Variants in DUSP7 observed in about 807,000 individuals in gnomAD.
The protein encoded by DUSP7 is dual specificity phosphatase 7.
Under a neutral mutation model 29.8 loss-of-function variants are expected in DUSP7, and 7 were observed. The observed-to-expected ratio is 0.24, with a 90% CI of 0.13 to 0.44. The LOEUF (loss-of-function observed/expected upper bound fraction) is 0.44. Ranked by LOEUF, DUSP7 falls within the 20% of genes least tolerant of loss-of-function variation. The probability of loss-of-function intolerance (pLI) is 1.00; values close to 1 mark genes in which losing one functional copy is unlikely to be tolerated. For synonymous variants in DUSP7, 287 were observed against 275.4 expected (o/e 1.04, Z -0.42); for missense variants, 400 against 583.7 (o/e 0.69, Z 3.24).
At chr3:52,055,728 G>A (rs1457954892) in intron 1 of DUSP7, 122 bp downstream of exon 1, 5 of 1,248,234 alleles carry the variant, frequency 4.0e-6, no homozygotes, top group Admixed American at 6.0e-5. Flanking sequence ...GATGCGGGCC[G>A]GGGACGACGT....
Position 52,051,829 on chromosome 3 carries a change from T to G in DUSP7, c.953-707A>C, listed in dbSNP as rs1701851035. ...TCCCCAAGGCCTTAACTCCAGCTCC[T>G]AAGACACATGGACTGGGATGATGGC... On this transcript the variant is annotated intron_variant, in intron 2 of 2. Coordinates refer to ENST00000495880, the MANE Select transcript of DUSP7 (RefSeq NM_001947.4). This position sits in a 1 kb window ranked among gnomAD's most constrained non-coding sequence, Gnocchi z 4.8. 6.6e-6 allele frequency: 1 copy of G among 152,290 alleles called. No homozygotes were observed. Among genetic ancestry groups the G allele is most frequent in the Non-Finnish European group, 1.5e-5 (1 of 68,086 alleles). The allele number at this position is 152,290 out of a possible 1,614,324, so 9.4% of individuals were successfully genotyped here.
Position 52,055,704 on chromosome 3 carries a change from G to A in DUSP7, c.517+146C>T. The A allele has an allele frequency of 2.0e-6, 2 of 1,021,052 alleles. 1 individual carries two copies. The highest frequency in any genetic ancestry group is 6.1e-5 in the Admixed American group (2 of 32,802). The allele number at this position is 1,021,052 out of a possible 1,614,324, so 63.2% of individuals were successfully genotyped here. On this transcript the variant is annotated intron_variant, in intron 1 of 2. Coordinates refer to ENST00000495880, the MANE Select transcript of DUSP7 (RefSeq NM_001947.4). Reference sequence around the variant, plus strand: ...TGCCAAACCACACAGTGGGGACCCGGCTCCAGGAGGGCGGATGCGGGCCGG... The same window carrying A: ...TGCCAAACCACACAGTGGGGACCCGACTCCAGGAGGGCGGATGCGGGCCGG...
chr3:52,055,891 T>C lies in DUSP7; in HGVS notation c.476A>G (p.Gln159Arg). The C allele has an allele frequency of 1.3e-6, 2 of 1,577,952 alleles. No homozygotes were observed. The highest frequency in any genetic ancestry group is 1.1e-5 in the South Asian group (1 of 88,138). ...APASVLGLLL[Q>R]KLRDDGCQAY... ...CTGGCAGCCGTCGTCGCGCAGCTTC[T>C]GTAGGAGCAGGCCGAGCACGGAGGC... Residue 159 changes from glutamine to arginine, a missense_variant, in exon 1 of 3, where the codon CAG (glutamine) becomes CGG (arginine). Physicochemically the swap from Gln to Arg is conservative, Grantham distance 43. This residue lies in a region of DUSP7 where 223 missense variants were observed against 360.9 expected (regional missense o/e 0.62). Coordinates refer to ENST00000495880, the MANE Select transcript of DUSP7 (RefSeq NM_001947.4).
Position 52,054,366 on chromosome 3 carries a change from T to C in DUSP7, c.526A>G (p.Asn176Asp). Reference protein sequence around the residue: ...CQAYYLQGGFNKFQTEYSEHC... With the variant: ...CQAYYLQGGFDKFQTEYSEHC... ...TCAGAGTACTCTGTTTGAAACTTGTTGAAACCACCTGTGTCCAGGGTGAGA... is the reference window on the plus strand; with the variant it reads ...TCAGAGTACTCTGTTTGAAACTTGTCGAAACCACCTGTGTCCAGGGTGAGA... The change falls in exon 2 of 3, where the codon AAC (asparagine) becomes GAC (aspartate). Residue 176 changes from asparagine to aspartate, a missense_variant. Transcript: ENST00000495880. The surrounding 1 kb of genome is among the most constrained non-coding windows in gnomAD (Gnocchi z 4.1). The C allele has an allele frequency of 3.3e-6, 5 of 1,526,070 alleles. No homozygotes were observed. Among genetic ancestry groups the C allele is most frequent in the Non-Finnish European group, 4.4e-6 (5 of 1,137,040 alleles). The allele number at this position is 1,526,070 out of a possible 1,614,324, so 94.5% of individuals were successfully genotyped here.
rs1018465493 is a variant in DUSP7, at chr3:52,051,508, G to C, written c.953-386C>G. On this transcript the variant is annotated intron_variant, in intron 2 of 2. Transcript: ENST00000495880. This position sits in a 1 kb window ranked among gnomAD's most constrained non-coding sequence, Gnocchi z 4.8. Reference sequence around the variant, plus strand: ...CATGTGCGTTAACGACTGCTGTCACGGGTGTCACCTGCATCCTCTTGGGTC... The same window carrying C: ...CATGTGCGTTAACGACTGCTGTCACCGGTGTCACCTGCATCCTCTTGGGTC... The C allele has an allele frequency of 5.2e-6, 1 of 193,908 alleles. No homozygotes were observed. Among genetic ancestry groups the C allele is most frequent in the South Asian group, 1.2e-4 (1 of 8,260 alleles). 12.0% of individuals were successfully genotyped at this position (193,908 alleles called of 1,614,324 possible). A position where few individuals can be genotyped will look rare whatever the true frequency, so the allele number is the denominator to read the frequency against.
chr3:52,051,079 C>G lies in DUSP7; in HGVS notation c.996G>C (p.Leu332=), dbSNP rs773214011. 1.3e-5 allele frequency: 21 copies of G among 1,613,478 alleles called. No individual in the cohort carries two copies. Among genetic ancestry groups the G allele is most frequent in the Admixed American group, 1.7e-5 (1 of 60,010 alleles). ...CCGTCACTGAGCGGCTGATGCCTGC[C>G]AGGCAGTGCACCAGGACACCACACT... ...SKKCGVLVHC[L]AGISRSVTVT... is the part of the protein sequence containing the mutation. The change falls in exon 3 of 3, where the codon CTG becomes CTC. Residue 332 remains leucine, a synonymous_variant. Coordinates refer to ENST00000495880, the MANE Select transcript of DUSP7 (RefSeq NM_001947.4). The surrounding 1 kb of genome is among the most constrained non-coding windows in gnomAD (Gnocchi z 4.8).
rs115221768 is a variant in DUSP7 at position 52,054,926 on chromosome 3, G to A, written c.518-552C>T. On this transcript the variant is annotated intron_variant, in intron 1 of 2. Coordinates refer to ENST00000495880, the MANE Select transcript of DUSP7 (RefSeq NM_001947.4). The surrounding 1 kb of genome is among the most constrained non-coding windows in gnomAD (Gnocchi z 4.1). The stretch of plus-strand genomic sequence containing the variant: ...AGCCCCGAAACTACAGCTGGGGAGG[G>A]TAGTGGGAAGGTACTGGCTGGCCCC... Among the ~76,000 whole-genome samples, 147 of 152,320 alleles carry A rather than the reference G, an allele frequency of 9.7e-4. No individual in the cohort carries two copies. Among genetic ancestry groups the A allele is most frequent in the Middle Eastern group, 3.4e-3 (1 of 294 alleles).
rs1338138571 is a variant in DUSP7, at chr3:52,050,649, C to A, written c.*166G>T. The A allele has an allele frequency of 1.2e-6, 1 of 819,024 alleles. No homozygotes were observed. Among genetic ancestry groups the A allele is most frequent in the Non-Finnish European group, 1.8e-6 (1 of 541,074 alleles). 50.7% of individuals were successfully genotyped at this position (819,024 alleles called of 1,614,324 possible). On this transcript the variant is annotated 3_prime_UTR_variant, in exon 3 of 3. Transcript: ENST00000495880. This position sits in a 1 kb window ranked among gnomAD's most constrained non-coding sequence, Gnocchi z 5.0. ...TGGGAGACCTTGCCTGCGGGCCCTG[C>A]CCCCAAGGATGGTGAGGGGCGCTCC...
At chr3:52,052,903 GGCAGCCCCAGTT>G (rs1701859683) in intron 2 of DUSP7, 1 of 152,792 alleles carries the variant, frequency 6.5e-6, no homozygotes, top group Non-Finnish European at 1.5e-5. Flanking sequence ...AGAAGCTCCA[GGCAGCCCCAGTT>G]GCAGCCCCTC....
rs1264124145 is a variant in DUSP7, at chr3:52,050,246, A to G, written c.*569T>C. ...TCTTTTCCATTAAAAAACAAAAACA[A>G]AAACAAACACGATACTTGCTTTTTG... is the stretch of plus-strand genomic sequence containing the variant. On this transcript the variant is annotated 3_prime_UTR_variant, in exon 3 of 3. Transcript: ENST00000495880. The surrounding 1 kb of genome is among the most constrained non-coding windows in gnomAD (Gnocchi z 5.0). 1 of 152,210 alleles carries G rather than the reference A, an allele frequency of 6.6e-6. No individual in the cohort carries two copies. The highest frequency in any genetic ancestry group is 2.4e-5 in the African/African-American group (1 of 41,458). The allele number at this position is 152,210 out of a possible 1,614,324, so 9.4% of individuals were successfully genotyped here. A position where few individuals can be genotyped will look rare whatever the true frequency, so the allele number is the denominator to read the frequency against.
At chr3:52,055,822 C>A in intron 1 of DUSP7, 28 bp downstream of exon 1, 3 of 1,499,198 alleles carry the variant, frequency 2.0e-6, no homozygotes, top group Non-Finnish European at 2.7e-6. Flanking sequence ...GGCCCCGATC[C>A]CGTAAGGCGT....
Position 52,050,257 on chromosome 3 carries a change from G to A in DUSP7, c.*558C>T, listed in dbSNP as rs56309506. ...AAAAAACAAAAACAAAAACAAACAC[G>A]ATACTTGCTTTTTGAAATTGAACGA... On this transcript the variant is annotated 3_prime_UTR_variant, in exon 3 of 3. Coordinates refer to ENST00000495880, the MANE Select transcript of DUSP7 (RefSeq NM_001947.4). The surrounding 1 kb of genome is among the most constrained non-coding windows in gnomAD (Gnocchi z 5.0). The A allele has an allele frequency of 6.6e-6, 1 of 152,072 alleles. No homozygotes were observed. The highest frequency in any genetic ancestry group is 1.5e-5 in the Non-Finnish European group (1 of 68,034). The allele number at this position is 152,072 out of a possible 1,614,324, so 9.4% of individuals were successfully genotyped here. A position where few individuals can be genotyped will look rare whatever the true frequency, so the allele number is the denominator to read the frequency against.
Position 52,053,874 on chromosome 3 carries a change from C to T in DUSP7, c.952+66G>A, listed in dbSNP as rs1349041552. 1.1e-5 allele frequency: 18 copies of T among 1,576,228 alleles called. 1 individual carries two copies. The highest frequency in any genetic ancestry group is 2.7e-5 in the African/African-American group (2 of 74,050). ...CCAGAGGTACCCAGTCAGGCGGGGG[C>T]GCCACCCAGAGTCCTGCATACACCT... On this transcript the variant is annotated intron_variant, in intron 2 of 2. Coordinates refer to ENST00000495880, the MANE Select transcript of DUSP7 (RefSeq NM_001947.4). This position sits in a 1 kb window ranked among gnomAD's most constrained non-coding sequence, Gnocchi z 4.6.
Position 52,050,887 on chromosome 3 carries a change from C to T in DUSP7, c.1188G>A (p.Ser396=), listed in dbSNP as rs149589220. The change falls in exon 3 of 3, where the codon TCG becomes TCA. Residue 396 remains serine, a synonymous_variant. Transcript: ENST00000495880. The surrounding 1 kb of genome is among the most constrained non-coding windows in gnomAD (Gnocchi z 5.0). Reference sequence around the variant, plus strand: ...GCGTGGAAAAGTAGAGCTGCTCACTCGACGCGTGGTTGTCGCACGGGCTGC... The same window carrying T: ...GCGTGGAAAAGTAGAGCTGCTCACTTGACGCGTGGTTGTCGCACGGGCTGC... ...GLSSPCDNHA[S]SEQLYFSTPT... 3.3e-5 allele frequency: 53 copies of T among 1,614,252 alleles called. No individual in the cohort carries two copies. The African/African-American group carries it at 4.7e-4, about 14-fold the overall frequency.
At position 52,053,173 on chromosome 3, in the gene DUSP7, C is replaced by T. The variant is rs115450001; in HGVS notation, c.952+767G>A. On this transcript the variant is annotated intron_variant, in intron 2 of 2. Transcript: ENST00000495880. The surrounding 1 kb of genome is among the most constrained non-coding windows in gnomAD (Gnocchi z 4.6). ...GGCTCAGAGATAGAGCGTTTACATT[C>T]ATCCTGAGCCCTCGTGCCCCTTCCT... 28 of 152,600 alleles carry T rather than the reference C, an allele frequency of 1.8e-4. No individual in the cohort carries two copies. The highest frequency in any genetic ancestry group is 6.5e-4 in the African/African-American group (27 of 41,572). 9.5% of individuals were successfully genotyped at this position (152,600 alleles called of 1,614,324 possible). A position where few individuals can be genotyped will look rare whatever the true frequency, so the allele number is the denominator to read the frequency against.
Position 52,054,117 on chromosome 3 carries a change from C to T in DUSP7, c.775G>A (p.Asp259Asn). The part of the protein sequence containing the change: ...LPYLYLGCAK[D>N]STNLDVLGKY... ...CCGAGCACGTCCAGGTTGGTGGAGT[C>T]CTTGGCGCAGCCGAGGTAGAGGTAG... is the stretch of plus-strand genomic sequence containing the variant. The change falls in exon 2 of 3, where the codon GAC becomes AAC. Residue 259 changes from aspartate to asparagine, a missense_variant. Coordinates refer to ENST00000495880, the MANE Select transcript of DUSP7 (RefSeq NM_001947.4). This position sits in a 1 kb window ranked among gnomAD's most constrained non-coding sequence, Gnocchi z 4.1. 1.2e-6 allele frequency: 2 copies of T among 1,614,170 alleles called. No homozygotes were observed. Among genetic ancestry groups the T allele is most frequent in the Non-Finnish European group, 1.7e-6 (2 of 1,180,038 alleles).
At chr3:52,055,153 C>T (rs901725932) in intron 1 of DUSP7, among the ~76,000 whole-genome samples, 1 of 150,330 alleles carries the variant, frequency 6.7e-6, no homozygotes, top group African/African-American at 2.4e-5. Context: ...CTCCCCTCCC[C>T]TCCCGCCCGC....
Position 52,056,419 on chromosome 3 carries a change from C to A in DUSP7, c.-53G>T. 1 of 937,472 alleles carries A rather than the reference C, an allele frequency of 1.1e-6. No homozygotes were observed. The highest frequency in any genetic ancestry group is 1.3e-6 in the Non-Finnish European group (1 of 787,102). 58.1% of individuals were successfully genotyped at this position (937,472 alleles called of 1,614,324 possible). On this transcript the variant is annotated 5_prime_UTR_variant, in exon 1 of 3. Transcript: ENST00000495880. The surrounding 1 kb of genome is among the most constrained non-coding windows in gnomAD (Gnocchi z 6.4). ...GCCGGGCAGCCCTGCCCTGGGACGG[C>A]GCCCCGGCCGCGCGGGCCCCAGCCG... is the stretch of plus-strand genomic sequence containing the variant.
Position 52,049,697 on chromosome 3 carries a change from G to A in DUSP7, c.*1118C>T, listed in dbSNP as rs1024154389. ...GGGCCTCCACTCCCAGTTACAACAA[G>A]AGAGAGGAAAGGAAGAGAGAGGGAG... On this transcript the variant is annotated 3_prime_UTR_variant, in exon 3 of 3. Coordinates refer to ENST00000495880, the MANE Select transcript of DUSP7 (RefSeq NM_001947.4). The A allele has an allele frequency of 6.6e-6, 1 of 151,674 alleles. No individual in the cohort carries two copies. The highest frequency in any genetic ancestry group is 2.4e-5 in the African/African-American group (1 of 41,224). The allele number at this position is 151,674 out of a possible 1,614,324, so 9.4% of individuals were successfully genotyped here.
Sources: allele counts gnomAD v4.1 joint callset (sites outside exome capture counted in the v4.1 genomes callset), GRCh38; gene constraint gnomAD v4.1.1; regional missense constraint gnomAD v4.1.1; non-coding constraint Gnocchi (gnomAD v3.1); transcripts MANE v1.5; gene names NCBI Gene and HGNC (gene_info 2026-07-23, HGNC 2026-07-21).